The following ADGRL2 variants were observed in gnomAD, a reference collection of about 807,000 sequenced individuals.
ADGRL2 encodes the protein adhesion G protein-coupled receptor L2, also known as calcium-independent alpha-latrotoxin receptor 2.
A neutral mutation model predicts 157.4 loss-of-function variants in ADGRL2; 44 were observed. That is an observed-to-expected ratio of 0.28 (90% CI 0.22 to 0.36). The LOEUF (loss-of-function observed/expected upper bound fraction) is 0.36. ADGRL2 is among the 10% of genes least tolerant of loss of function. The pLI is 1.00. For missense variants in ADGRL2, 1,510 were observed against 1,768.9 expected (o/e 0.85, Z 2.63); for synonymous variants, 585 against 624.7 (o/e 0.94, Z 0.95).
At chr1:81,820,381 A>G (rs2090860571) in intron 1 of ADGRL2, among the ~76,000 whole-genome samples, 1 of 152,154 alleles carries the variant, frequency 6.6e-6, no homozygotes, top group Non-Finnish European at 1.5e-5. Context: ...ATAGTAGAGA[A>G]AATTTTTTGT....
rs1023849185 is a variant in ADGRL2, at chr1:81,341,563, T to C, written c.-302+35054T>C. 3.3e-5 allele frequency among the ~76,000 whole-genome samples: 5 copies of C among 152,316 alleles called. No homozygotes were observed. The East Asian group carries it at 9.6e-4, about 29-fold the overall frequency. On this transcript the variant is annotated intron_variant, in intron 1 of 24. Transcript: ENST00000370721. ...ATCAGATTTCTCAACCTAGTAAGCA[T>C]GTATATTAGCCTTATAAAAGCAAGC...
intron 1 of ADGRL2, among the ~76,000 whole-genome samples, chr1:81,721,406 A>AC (rs1472555275): frequency 6.6e-6 from 1 of 152,072 alleles, no homozygotes; most frequent in African/African-American, 2.4e-5. Context: ...TATCCAAACA[A>AC]CCGACCCAAA....
At chr1:81,634,871 C>T (rs1355827336) in intron 3 of ADGRL2, among the ~76,000 whole-genome samples, 3 of 152,078 alleles carry the variant, frequency 2.0e-5, no homozygotes, top group South Asian at 4.1e-4. Flanking sequence ...TGTTGATGGC[C>T]TATCCTTATC....
chr1:81,702,791 T>G lies in ADGRL2; in HGVS notation c.-143+2983T>G, dbSNP rs1225967668. Among the ~76,000 whole-genome samples, 6 of 152,214 alleles carry G rather than the reference T, an allele frequency of 3.9e-5. No homozygotes were observed. In the East Asian group the frequency reaches 1.2e-3, roughly 29 times the overall value. ...AAAAAACATCTTAAGGGCTTTTGCCTATAAGAAATGAATTCTAATGGGGTT... is the reference window on the plus strand; with the variant it reads ...AAAAAACATCTTAAGGGCTTTTGCCGATAAGAAATGAATTCTAATGGGGTT... On this transcript the variant is annotated intron_variant, in intron 1 of 20. Coordinates refer to the ADGRL2 transcript ENST00000359929.
intron 2 of ADGRL2, among the ~76,000 whole-genome samples, chr1:81,456,140 A>G (rs1207143862): frequency 6.6e-6 from 1 of 152,206 alleles, no homozygotes; most frequent in East Asian, 1.9e-4. Context: ...TTACATAACA[A>G]CACAAGTGTG....
At chr1:81,661,916 A>G (rs932514025) in intron 3 of ADGRL2, among the ~76,000 whole-genome samples, 14 of 152,304 alleles carry the variant, frequency 9.2e-5, no homozygotes, top group Admixed American at 8.5e-4. Context: ...TACCATTTTG[A>G]ATGCCTACCA....
At chr1:81,519,983 A>G (rs1238900341) in intron 2 of ADGRL2, among the ~76,000 whole-genome samples, 1 of 152,212 alleles carries the variant, frequency 6.6e-6, no homozygotes, top group East Asian at 1.9e-4. Context: ...GCTTCTTGAA[A>G]ATCACTTCCT....
intron 3 of ADGRL2, among the ~76,000 whole-genome samples, chr1:81,672,846 C>T (rs937012865): frequency 3.2e-4 from 48 of 152,138 alleles, no homozygotes; most frequent in African/African-American, 1.1e-3. Context: ...TGGATTATAA[C>T]TGAAACAGCA....
chr1:81,501,856 G>C, intron 2 of ADGRL2: 1 of 1,598,570 alleles, frequency 6.3e-7, no homozygotes, highest in Admixed American at 1.7e-5. Context: ...CTCTGCAGAT[G>C]GATGCCAGAG....
chr1:81,346,380 C>G (rs1160089602), intron 1 of ADGRL2, among the ~76,000 whole-genome samples: 4 of 152,126 alleles, frequency 2.6e-5, no homozygotes, highest in Admixed American at 2.6e-4. Context: ...ATCTTTATCT[C>G]AAGAATATGA....
At chr1:81,851,271 C>A (rs1013544959) in intron 2 of ADGRL2, among the ~76,000 whole-genome samples, 1 of 151,882 alleles carries the variant, frequency 6.6e-6, no homozygotes, top group Non-Finnish European at 1.5e-5. Context: ...AGTCAGCTAA[C>A]GTTGGCTTCT....
intron 2 of ADGRL2, among the ~76,000 whole-genome samples, chr1:81,899,354 T>C (rs996466990): frequency 7.2e-5 from 11 of 152,304 alleles, no homozygotes; most frequent in African/African-American, 2.4e-4. Flanking sequence ...TCCCATCCGG[T>C]AGCAGTGCAT....
intron 1 of ADGRL2, among the ~76,000 whole-genome samples, chr1:81,716,472 T>C (rs752872995): frequency 6.6e-6 from 1 of 152,186 alleles, no homozygotes; most frequent in African/African-American, 2.4e-5. Context: ...AAAAATATAA[T>C]TTTATTCTCA....
chr1:81,631,928 A>G (rs1265807807), intron 3 of ADGRL2, among the ~76,000 whole-genome samples: 1 of 152,126 alleles, frequency 6.6e-6, no homozygotes, highest in Non-Finnish European at 1.5e-5. Context: ...GGATCTTTAA[A>G]TCTGGGCTCT....
intron 2 of ADGRL2, among the ~76,000 whole-genome samples, chr1:81,542,851 G>C (rs2079918657): frequency 6.6e-6 from 1 of 152,102 alleles, no homozygotes; most frequent in African/African-American, 2.4e-5. Context: ...AAATAATGTT[G>C]CTTATAAAAA....
intron 1 of ADGRL2, among the ~76,000 whole-genome samples, chr1:81,409,275 C>A (rs186471155): frequency 2.1e-4 from 24 of 112,716 alleles, no homozygotes; most frequent in Admixed American, 1.4e-3. Context: ...CACCTCCTAC[C>A]TCTGGAAGGA....
At chr1:81,737,169 C>G (rs1008431185) in intron 1 of ADGRL2, among the ~76,000 whole-genome samples, 1 of 152,112 alleles carries the variant, frequency 6.6e-6, no homozygotes, top group African/African-American at 2.4e-5. Flanking sequence ...CAGGCTCCAA[C>G]TAGTAATCTT....
At chr1:81,385,701 G>T (rs1405083629) in intron 1 of ADGRL2, among the ~76,000 whole-genome samples, 1 of 151,670 alleles carries the variant, frequency 6.6e-6, no homozygotes, top group Non-Finnish European at 1.5e-5. Flanking sequence ...TAAAATGAAT[G>T]AACAATGCAT....
chr1:81,736,158 AAAAGGAGTC>A (rs1415326974), intron 1 of ADGRL2, among the ~76,000 whole-genome samples: 3 of 144,280 alleles, frequency 2.1e-5, no homozygotes, highest in African/African-American at 7.8e-5. Flanking sequence ...AAAAAAAAAA[AAAAGGAGTC>A]AAACTGACAA....
Sources: allele counts gnomAD v4.1 joint callset (sites outside exome capture counted in the v4.1 genomes callset), GRCh38; gene constraint gnomAD v4.1.1; transcripts MANE v1.5; gene names NCBI Gene and HGNC (gene_info 2026-07-23, HGNC 2026-07-21).